Variants in CA10 observed in about 807,000 individuals in gnomAD.
The protein encoded by CA10 is carbonic anhydrase 10 (inactive), also known as carbonic anhydrase-related protein 10.
In CA10, 14 loss-of-function variants were observed where a neutral mutation model predicts 44.2. The observed-to-expected ratio is 0.32, with a 90% CI of 0.21 to 0.50. The LOEUF is 0.50. Among genes scored for constraint, CA10 ranks in the 20% least tolerant of loss-of-function variants. The probability of loss-of-function intolerance (pLI) is 0.99; values close to 1 mark genes in which losing one functional copy is unlikely to be tolerated. For synonymous variants in CA10, 159 were observed against 141.6 expected (o/e 1.12, Z -0.87); for missense variants, 350 against 409.7 (o/e 0.85, Z 1.26).
chr17:51,813,383 G>A (rs1168759036), intron 3 of CA10, among the ~76,000 whole-genome samples: 4 of 152,180 alleles, frequency 2.6e-5, no homozygotes, highest in African/African-American at 9.7e-5. Flanking sequence ...TCCATCAGGC[G>A]CTGGCCTGCC....
At chr17:51,978,073 G>A (rs1984521580) in intron 2 of CA10, among the ~76,000 whole-genome samples, 1 of 152,058 alleles carries the variant, frequency 6.6e-6, no homozygotes, top group Non-Finnish European at 1.5e-5. Context: ...GGAAGGCTCA[G>A]TATTAATAAA....
At chr17:51,910,319 C>G (rs534046358) in intron 3 of CA10, among the ~76,000 whole-genome samples, 1 of 106,494 alleles carries the variant, frequency 9.4e-6, no homozygotes, top group South Asian at 2.4e-4. Context: ...CCAATGGTAA[C>G]TGATAACAAC....
chr17:52,149,599 CA>C (rs1159464776), intron 1 of CA10, among the ~76,000 whole-genome samples: 7 of 152,090 alleles, frequency 4.6e-5, no homozygotes, highest in African/African-American at 1.7e-4. Flanking sequence ...ATAAAAACTG[CA>C]AAAAAGTTAC....
At chr17:52,078,378 T>C (rs1987873324) in intron 1 of CA10, among the ~76,000 whole-genome samples, 1 of 152,194 alleles carries the variant, frequency 6.6e-6, no homozygotes, top group East Asian at 1.9e-4. Flanking sequence ...CATAAGCACA[T>C]ACATTGCAAA....
At chr17:51,809,359 A>G (rs975179965) in intron 3 of CA10, among the ~76,000 whole-genome samples, 7 of 152,326 alleles carry the variant, frequency 4.6e-5, no homozygotes, top group South Asian at 2.1e-4. Flanking sequence ...CATTGTGGCT[A>G]TATGTCATTT....
chr17:51,854,685 G>T (rs1978958945), intron 3 of CA10, among the ~76,000 whole-genome samples: 1 of 151,972 alleles, frequency 6.6e-6, no homozygotes, highest in Admixed American at 6.5e-5. Context: ...CTAGAAGAGG[G>T]TATATGGTAC....
intron 2 of CA10, among the ~76,000 whole-genome samples, chr17:51,969,541 AGAG>A (rs1287737528): frequency 9.9e-5 from 15 of 152,010 alleles, no homozygotes; most frequent in African/African-American, 3.6e-4. Flanking sequence ...TGACAGTCTT[AGAG>A]GAGAACAGTG....
intron 4 of CA10, among the ~76,000 whole-genome samples, chr17:51,657,059 TG>T (rs1236534507): frequency 6.6e-6 from 1 of 152,036 alleles, no homozygotes; most frequent in East Asian, 1.9e-4. Flanking sequence ...AGGTGGAGGT[TG>T]GGGGGTATTT....
intron 2 of CA10, among the ~76,000 whole-genome samples, chr17:52,060,378 A>C (rs1987349658): frequency 6.6e-6 from 1 of 152,096 alleles, no homozygotes; most frequent in Admixed American, 6.6e-5. Flanking sequence ...CAGAAACAGG[A>C]CCTTAGTGGA....
Position 52,061,690 on chromosome 17 carries a change from T to A in CA10, c.136+10629A>T, listed in dbSNP as rs542740023. 1.5e-4 allele frequency among the ~76,000 whole-genome samples: 23 copies of A among 152,226 alleles called. No individual in the cohort carries two copies. The South Asian group carries it at 4.6e-3, about 30-fold the overall frequency. On this transcript the variant is annotated intron_variant, in intron 2 of 8. Transcript: ENST00000451037. ...GTTCCTCTCTTGCTGGCTTCTTCTC[T>A]CTCCTTCCTCCATGTGAAGAAGGTG...
At chr17:52,155,351 T>C (rs925937753) in intron 1 of CA10, among the ~76,000 whole-genome samples, 3 of 152,134 alleles carry the variant, frequency 2.0e-5, no homozygotes, top group African/African-American at 7.2e-5. Context: ...ATGAGTAAAT[T>C]AAAACTGCAA....
chr17:51,913,129 A>C (rs778361800), intron 3 of CA10, among the ~76,000 whole-genome samples: 1 of 152,162 alleles, frequency 6.6e-6, no homozygotes. Flanking sequence ...TCCCGTGCAC[A>C]GGGAGTTAAG....
At chr17:51,861,100 GTTTC>G (rs1979284445) in intron 3 of CA10, among the ~76,000 whole-genome samples, 2 of 152,252 alleles carry the variant, frequency 1.3e-5, no homozygotes, top group African/African-American at 4.8e-5. Flanking sequence ...AGCAACCTGC[GTTTC>G]TGCTTTGCCA....
chr17:51,876,932 C>A (rs909446407), intron 3 of CA10, among the ~76,000 whole-genome samples: 40 of 152,146 alleles, frequency 2.6e-4, no homozygotes, highest in Non-Finnish European at 8.8e-5. Flanking sequence ...ATTAGGGAGT[C>A]CCTTGATTTT....
At chr17:51,967,868 A>G (rs2144063170) in intron 2 of CA10, among the ~76,000 whole-genome samples, 1 of 151,948 alleles carries the variant, frequency 6.6e-6, no homozygotes, top group East Asian at 1.9e-4. Context: ...ATAAGGAGAT[A>G]GAATACGAAA....
chr17:52,152,584 C>CT (rs1315820307), intron 1 of CA10, among the ~76,000 whole-genome samples: 1 of 152,092 alleles, frequency 6.6e-6, no homozygotes, highest in East Asian at 1.9e-4. Context: ...GACATTATTC[C>CT]TATTCCTTTA....
rs2040725 is a variant in CA10, at chr17:51,876,364, G to T, written c.279+54626C>A. Among the ~76,000 whole-genome samples the T allele has an allele frequency of 5.1e-4, 71 of 138,170 alleles. 1 individual carries two copies. Among genetic ancestry groups the T allele is most frequent in the African/African-American group, 1.9e-3 (69 of 35,400 alleles). The allele number at this position is 138,170 out of a possible 152,430, so 90.6% of individuals were successfully genotyped here. A position where few individuals can be genotyped will look rare whatever the true frequency, so the allele number is the denominator to read the frequency against. On this transcript the variant is annotated intron_variant, in intron 3 of 8. Coordinates refer to ENST00000451037, the MANE Select transcript of CA10 (RefSeq NM_020178.5). ...TTTCATCTTTTTTTTTTTTTTTTTG[G>T]TAGAGATGAGGTCTCTCTATGTTGC...
chr17:51,861,089 T>G (rs1187361856), intron 3 of CA10, among the ~76,000 whole-genome samples: 1 of 152,194 alleles, frequency 6.6e-6, no homozygotes, highest in East Asian at 1.9e-4. Flanking sequence ...GACTAAGGAC[T>G]AGCAACCTGC....
chr17:52,042,069 C>A (rs1986784252), intron 2 of CA10, among the ~76,000 whole-genome samples: 2 of 152,054 alleles, frequency 1.3e-5, no homozygotes, highest in South Asian at 4.1e-4. Flanking sequence ...ACACTGCTGG[C>A]ATCTTAGAGA....
Sources: allele counts gnomAD v4.1 joint callset (sites outside exome capture counted in the v4.1 genomes callset), GRCh38; gene constraint gnomAD v4.1.1; transcripts MANE v1.5; gene names NCBI Gene and HGNC (gene_info 2026-07-23, HGNC 2026-07-21).